Variants in PTPRA observed in about 807,000 individuals in gnomAD.
PTPRA encodes the protein protein tyrosine phosphatase receptor type A.
A neutral mutation model predicts 104.8 loss-of-function variants in PTPRA; 25 were observed. That is an observed-to-expected ratio of 0.24 (90% confidence interval 0.17 to 0.33). The LOEUF (loss-of-function observed/expected upper bound fraction) is 0.33. Ranked by LOEUF, PTPRA falls within the 10% of genes least tolerant of loss-of-function variation. PTPRA has a pLI of 1.00. For missense variants in PTPRA, 765 were observed against 1,015.3 expected (o/e 0.75, Z 3.35); for synonymous variants, 323 against 368.9 (o/e 0.88, Z 1.43).
chr20:2,880,425 T>C lies in PTPRA; in HGVS notation c.-129+6665T>C, dbSNP rs561640273. On this transcript the variant is annotated intron_variant, in intron 1 of 23. Coordinates refer to ENST00000399903, the MANE Select transcript of PTPRA (RefSeq NM_001385305.1). Reference sequence around the variant, plus strand: ...TCTGCAGTGAGCAGAGACATATTTATACATTTGTTCTCCATGTATTGCAAC... The same window carrying C: ...TCTGCAGTGAGCAGAGACATATTTACACATTTGTTCTCCATGTATTGCAAC... 3.3e-4 allele frequency among the ~76,000 whole-genome samples: 50 copies of C among 152,366 alleles called. No individual in the cohort carries two copies. In the South Asian group the frequency reaches 6.6e-3, roughly 20 times the overall value.
At chr20:2,954,263 G>A (rs28863783) in intron 3 of PTPRA, among the ~76,000 whole-genome samples, 1 of 151,838 alleles carries the variant, frequency 6.6e-6, no homozygotes, top group South Asian at 2.1e-4. Flanking sequence ...ATTTTTAGTA[G>A]AGATGGGGTT....
intron 1 of PTPRA, among the ~76,000 whole-genome samples, chr20:2,909,809 A>T (rs2059565915): frequency 7.9e-6 from 1 of 125,894 alleles, no homozygotes; most frequent in South Asian, 2.4e-4. Flanking sequence ...AATATATATA[A>T]TATAAGATAA....
chr20:2,970,067 T>G (rs1253678513), intron 5 of PTPRA, among the ~76,000 whole-genome samples: 1 of 152,212 alleles, frequency 6.6e-6, no homozygotes, highest in Non-Finnish European at 1.5e-5. Context: ...TGAGTTGATT[T>G]CTGCATATTG....
At chr20:3,001,292 C>G (rs184298081) in intron 9 of PTPRA, among the ~76,000 whole-genome samples, 157 of 152,340 alleles carry the variant, frequency 1.0e-3, no homozygotes, top group South Asian at 1.9e-3. Flanking sequence ...CCTTTCTTCT[C>G]TCTTGTTAAA....
In PTPRA at chr20:3,035,540, CAT is replaced by C. The variant is rs1490706618; in HGVS notation, c.1921-44_1921-43del. On this transcript the variant is annotated intron_variant, in intron 20 of 23. Coordinates refer to ENST00000399903, the MANE Select transcript of PTPRA (RefSeq NM_001385305.1). The surrounding 1 kb of genome is among the most constrained non-coding windows in gnomAD (Gnocchi z 5.8). Reference sequence around the variant, plus strand: ...GCTCGTGGGCAGTGCTGCTTCTACACATGTGGTACTCTGAGCTCCTCACCTCT... The same window carrying C: ...GCTCGTGGGCAGTGCTGCTTCTACACGTGGTACTCTGAGCTCCTCACCTCT... 9 of 1,572,560 alleles carry C rather than the reference CAT, an allele frequency of 5.7e-6. No homozygotes were observed. Among genetic ancestry groups the C allele is most frequent in the East Asian group, 2.2e-5 (1 of 44,622 alleles).
chr20:2,923,084 C>A (rs2060156805), intron 1 of PTPRA, 123 bp from the exon 2 acceptor site: 1 of 323,422 alleles, frequency 3.1e-6, no homozygotes, highest in African/African-American at 2.3e-5. Flanking sequence ...TGCCACCCTG[C>A]CTGGCTACTT....
At position 3,022,133 on chromosome 20, in the gene PTPRA, C is replaced by T; in HGVS notation, c.1241C>T (p.Pro414Leu). Residue 414 changes from proline (P) to leucine (L), a missense_variant, in exon 15 of 24, where the codon CCT (proline) becomes CTT (leucine). Coordinates refer to ENST00000399903, the MANE Select transcript of PTPRA (RefSeq NM_001385305.1). The surrounding 1 kb of genome is among the most constrained non-coding windows in gnomAD (Gnocchi z 4.6). ...ACCAGCTGGCCAGACTTTGGGGTGC[C>T]TTTTACCCCGATCGGCATGCTCAAG... is the stretch of plus-strand genomic sequence containing the variant. ...HFTSWPDFGV[P>L]FTPIGMLKFL... 6.2e-7 allele frequency: 1 copy of T among 1,614,202 alleles called. No individual in the cohort carries two copies. Among genetic ancestry groups the T allele is most frequent in the Non-Finnish European group, 8.5e-7 (1 of 1,180,034 alleles).
chr20:3,026,918 C>A, intron 18 of PTPRA, 138 bp downstream of exon 18: 1 of 952,082 alleles, frequency 1.1e-6, no homozygotes. Flanking sequence ...ACCCACTTAA[C>A]AACATGGCGT....
chr20:2,930,713 C>G (rs890344888), intron 2 of PTPRA, among the ~76,000 whole-genome samples: 3 of 152,102 alleles, frequency 2.0e-5, no homozygotes, highest in Admixed American at 1.3e-4. Flanking sequence ...TATAAGGACA[C>G]CAGTCATATT....
intron 1 of PTPRA, among the ~76,000 whole-genome samples, chr20:2,896,934 A>G (rs1157617899): frequency 6.6e-6 from 1 of 152,176 alleles, no homozygotes; most frequent in East Asian, 1.9e-4. Flanking sequence ...AGTGATCCTA[A>G]TATTTTTGAA....
In PTPRA at chr20:3,035,765, C is replaced by G; in HGVS notation, c.2047-25C>G. Reference sequence around the variant, plus strand: ...ACAGGAAAAGCAGGGTTACCCCTGCCTCCCTGATCCCCTTTTTTCCAAAGG... The same window carrying G: ...ACAGGAAAAGCAGGGTTACCCCTGCGTCCCTGATCCCCTTTTTTCCAAAGG... On this transcript the variant is annotated intron_variant, in intron 21 of 23. Coordinates refer to ENST00000399903, the MANE Select transcript of PTPRA (RefSeq NM_001385305.1). The surrounding 1 kb of genome is among the most constrained non-coding windows in gnomAD (Gnocchi z 5.8). 6.2e-7 allele frequency: 1 copy of G among 1,614,180 alleles called. No homozygotes were observed. The highest frequency in any genetic ancestry group is 8.5e-7 in the Non-Finnish European group (1 of 1,180,014).
rs986201423 is a variant in PTPRA at position 3,026,836 on chromosome 20, A to G, written c.1708+56A>G. On this transcript the variant is annotated intron_variant, in intron 18 of 23. Transcript: ENST00000399903. ...ATTGCCCCATCCCTCAATTCCCTCCACCCCTTCCATTTCTCAGGTACTAGT... is the reference window on the plus strand; with the variant it reads ...ATTGCCCCATCCCTCAATTCCCTCCGCCCCTTCCATTTCTCAGGTACTAGT... 2.0e-5 allele frequency: 28 copies of G among 1,405,618 alleles called. 1 individual carries two copies. The Admixed American group carries it at 4.1e-4, about 20-fold the overall frequency. The allele number at this position is 1,405,618 out of a possible 1,614,324, so 87.1% of individuals were successfully genotyped here.
In PTPRA at chr20:3,038,553, T is replaced by G. The variant is rs777057278; in HGVS notation, c.*420T>G. 50 of 184,728 alleles carry G rather than the reference T, an allele frequency of 2.7e-4. No homozygotes were observed. Among genetic ancestry groups the G allele is most frequent in the Non-Finnish European group, 5.2e-4 (46 of 88,814 alleles). The allele number at this position is 184,728 out of a possible 1,614,324, so 11.4% of individuals were successfully genotyped here. A position where few individuals can be genotyped will look rare whatever the true frequency, so the allele number is the denominator to read the frequency against. ...ATGCACTGTAAATATCCCTCCCCTC[T>G]CTCCCTGGTCCCCTCCCCCATCCCC... is the stretch of plus-strand genomic sequence containing the variant. On this transcript the variant is annotated 3_prime_UTR_variant, in exon 24 of 24. Coordinates refer to ENST00000399903, the MANE Select transcript of PTPRA (RefSeq NM_001385305.1).
At chr20:2,865,792 G>A in the PTPRA span, 1 of 492,346 alleles carries the variant, frequency 2.0e-6, no homozygotes, top group Non-Finnish European at 3.7e-6. This position sits in a 1 kb window ranked among gnomAD's most constrained non-coding sequence, Gnocchi z 5.2. Flanking sequence ...TGAGGAGGGT[G>A]GAGGGGGCAC....
At chr20:3,013,222 G>C (rs2064263862) in intron 11 of PTPRA, among the ~76,000 whole-genome samples, 1 of 152,154 alleles carries the variant, frequency 6.6e-6, no homozygotes, top group South Asian at 2.1e-4. Flanking sequence ...AGGGAACTAG[G>C]CACCATGGAG....
At chr20:2,990,152 A>G (rs1333224786) in intron 9 of PTPRA, among the ~76,000 whole-genome samples, 2 of 152,240 alleles carry the variant, frequency 1.3e-5, no homozygotes, top group African/African-American at 4.8e-5. Flanking sequence ...TGTCATGACT[A>G]GGAAATGGGG....
At chr20:2,975,387 C>A in intron 6 of PTPRA, 146 bp downstream of exon 6, 1 of 616,052 alleles carries the variant, frequency 1.6e-6, no homozygotes, top group Non-Finnish European at 2.5e-6. Flanking sequence ...ATGTTAATCT[C>A]ATGGAGAAGA....
intron 3 of PTPRA, among the ~76,000 whole-genome samples, chr20:2,951,651 G>A (rs1026123743): frequency 2.0e-5 from 3 of 152,024 alleles, no homozygotes; most frequent in African/African-American, 4.8e-5. Flanking sequence ...CATTCCTTCC[G>A]CTGAAACCAC....
chr20:2,900,857 CAA>C (rs552826526), intron 1 of PTPRA, among the ~76,000 whole-genome samples: 4 of 123,802 alleles, frequency 3.2e-5, no homozygotes, highest in African/African-American at 3.0e-5. Flanking sequence ...AACTCCATCT[CAA>C]AAAAAAAAAA....
Sources: allele counts gnomAD v4.1 joint callset (sites outside exome capture counted in the v4.1 genomes callset), GRCh38; gene constraint gnomAD v4.1.1; non-coding constraint Gnocchi (gnomAD v3.1); transcripts MANE v1.5; gene names NCBI Gene and HGNC (gene_info 2026-07-23, HGNC 2026-07-21).